SLC25A32: variants seen among roughly 807,000 people sequenced by gnomAD.
The protein encoded by SLC25A32 is solute carrier family 25 member 32.
A neutral mutation model predicts 39.0 loss-of-function variants in SLC25A32; 32 were observed. The observed-to-expected ratio is 0.82, with a 90% CI of 0.62 to 1.10. SLC25A32 has a LOEUF of 1.10. Among genes scored for constraint, SLC25A32 ranks in the 50% least tolerant of loss-of-function variants. The pLI is 0.00. For synonymous variants in SLC25A32, 166 were observed against 152.4 expected, an observed-to-expected ratio of 1.09 and a Z score of -0.66; for missense variants, 367 against 395.3, an observed-to-expected ratio of 0.93 and a Z score of 0.61.
intron 1 of SLC25A32, among the ~76,000 whole-genome samples, chr8:103,408,519 C>G (rs3134262): frequency 0.17 from 25,710 of 151,878 alleles, 2,343 homozygotes; most frequent in East Asian, 0.34. Flanking sequence ...CAATTTATAT[C>G]GAATGCTATC....
intron 1 of SLC25A32, among the ~76,000 whole-genome samples, chr8:103,409,538 G>A (rs532602565): frequency 6.6e-6 from 1 of 152,152 alleles, no homozygotes; most frequent in Admixed American, 6.5e-5. Flanking sequence ...TATTAGAAAG[G>A]GAACTGATAT....
rs1237806299 is a variant in SLC25A32 at position 103,408,239 on chromosome 8, G to A, written c.155-455C>T. On this transcript the variant is annotated intron_variant, in intron 1 of 6. Transcript: ENST00000297578. ...TGACCTCAGGTGATCCACCCACCTC[G>A]GCCTTCCAAAGTGCTGGGATTACAG... Among the ~76,000 whole-genome samples, 4 of 151,762 alleles carry A rather than the reference G, an allele frequency of 2.6e-5. No individual in the cohort carries two copies. The East Asian group carries it at 5.8e-4, about 22-fold the overall frequency.
At chr8:103,414,720 CGGA>C (rs1816553290) in intron 1 of SLC25A32, 61 bp downstream of exon 1, 7 of 1,601,316 alleles carry the variant, frequency 4.4e-6, no homozygotes, top group Non-Finnish European at 5.1e-6. Context: ...ACGGAAAAGA[CGGA>C]GGAGATCCAG....
Position 103,415,026 on chromosome 8 carries a change from TGTG to T in SLC25A32, c.-92_-90del. 6.3e-7 allele frequency: 1 copy of T among 1,593,272 alleles called. No homozygotes were observed. The highest frequency in any genetic ancestry group is 1.1e-5 in the South Asian group (1 of 89,026). ...CGCCACCGTGGCGACGGTCGCCCCT[TGTG>T]AGCGCAACCCCACCTCCGGGACCAA... On this transcript the variant is annotated 5_prime_UTR_variant, in exon 1 of 7. Transcript: ENST00000297578.
chr8:103,403,237 T>A lies in SLC25A32; in HGVS notation c.479A>T (p.His160Leu), dbSNP rs1358530550. 1 of 1,612,848 alleles carries A rather than the reference T, an allele frequency of 6.2e-7. No individual in the cohort carries two copies. Among genetic ancestry groups the A allele is most frequent in the Non-Finnish European group, 8.5e-7 (1 of 1,179,210 alleles). The change falls in exon 4 of 7, where the codon CAC becomes CTC. Residue 160 changes from histidine (H) to leucine (L), a missense_variant. His to Leu is a moderately conservative substitution (Grantham distance 99). Coordinates refer to ENST00000297578, the MANE Select transcript of SLC25A32 (RefSeq NM_030780.5). Reference protein sequence around the residue: ...LQYDAVVNSPHRQYKGMFDTL... With the variant: ...LQYDAVVNSPLRQYKGMFDTL... ...ATCAAACATTCCTTTATATTGTCGGTGTGGGGAGTTAACAACAGCATCATA... is the reference window on the plus strand; with the variant it reads ...ATCAAACATTCCTTTATATTGTCGGAGTGGGGAGTTAACAACAGCATCATA...
In SLC25A32 at chr8:103,407,946, C is replaced by CAT. The variant is rs1338390764; in HGVS notation, c.155-164_155-163dup. Among the ~76,000 whole-genome samples the CAT allele has an allele frequency of 2.6e-4, 38 of 144,346 alleles. 1 individual carries two copies. The East Asian group carries it at 4.7e-3, about 18-fold the overall frequency. 94.7% of individuals were successfully genotyped at this position (144,346 alleles called of 152,430 possible). ...TTTCCAGGCTTTTATATATATATTACATATATATATAAATATATATATATA... is the reference window on the plus strand; with the variant it reads ...TTTCCAGGCTTTTATATATATATTACATATATATATATAAATATATATATATA... On this transcript the variant is annotated intron_variant, in intron 1 of 6. Transcript: ENST00000297578.
chr8:103,410,043 ATTC>A (rs1006562164), intron 1 of SLC25A32, among the ~76,000 whole-genome samples: 2 of 152,124 alleles, frequency 1.3e-5, no homozygotes, highest in African/African-American at 4.8e-5. Context: ...TGTGTGTCTC[ATTC>A]TTCTGTATAG....
intron 1 of SLC25A32, 185 bp downstream of exon 1, chr8:103,414,599 G>T: frequency 1.3e-6 from 1 of 743,558 alleles, no homozygotes; most frequent in Non-Finnish European, 2.1e-6. Flanking sequence ...GTCTTGAGGA[G>T]CGGGGAAGAT....
At position 103,414,769 on chromosome 8, in the gene SLC25A32, T is replaced by C. The variant is rs781274066; in HGVS notation, c.154+15A>G. 8 of 1,613,236 alleles carry C rather than the reference T, an allele frequency of 5.0e-6. No homozygotes were observed. The highest frequency in any genetic ancestry group is 1.6e-4 in the Middle Eastern group (1 of 6,080). Reference sequence around the variant, plus strand: ...CAGTGAGAGGATGCAGCCCGGTGTCTGGGCGGGCTCTTACCGGCGAAGCGG... The same window carrying C: ...CAGTGAGAGGATGCAGCCCGGTGTCCGGGCGGGCTCTTACCGGCGAAGCGG... On this transcript the variant is annotated intron_variant, in intron 1 of 6. Transcript: ENST00000297578.
rs1210400776 is a variant in SLC25A32, at chr8:103,414,906, G to A, written c.32C>T (p.Ser11Leu). MTGQGQSASG[S>L]SAWSTVFRHV... ...GCGGAATACCGTGCTCCACGCCGAC[G>A]ACCCGGACGCCGACTGGCCCTGGCC... The change falls in exon 1 of 7, where the codon TCG becomes TTG. Residue 11 changes from serine (S) to leucine (L), a missense_variant. Coordinates refer to ENST00000297578, the MANE Select transcript of SLC25A32 (RefSeq NM_030780.5). The A allele has an allele frequency of 6.2e-7, 1 of 1,610,800 alleles. No individual in the cohort carries two copies. The highest frequency in any genetic ancestry group is 2.2e-5 in the East Asian group (1 of 44,680).
chr8:103,412,084 C>T (rs960456885), intron 1 of SLC25A32, among the ~76,000 whole-genome samples: 7 of 152,160 alleles, frequency 4.6e-5, no homozygotes, highest in African/African-American at 1.2e-4. Flanking sequence ...TAGAACCTAA[C>T]TCTAAAAATT....
chr8:103,404,677 G>T, intron 3 of SLC25A32, 99 bp downstream of exon 3: 2 of 692,306 alleles, frequency 2.9e-6, no homozygotes, highest in South Asian at 3.6e-5. Flanking sequence ...AGTTAGATGG[G>T]CATATTTAAA....
Position 103,401,928 on chromosome 8 carries a change from A to G in SLC25A32, c.666+13T>C, listed in dbSNP as rs776301527. ...AAAAGGAAATGATATCATTTTTACAAGAATAATCTTACCAACTGGGCTTCT... is the reference window on the plus strand; with the variant it reads ...AAAAGGAAATGATATCATTTTTACAGGAATAATCTTACCAACTGGGCTTCT... On this transcript the variant is annotated intron_variant, in intron 5 of 6. Coordinates refer to ENST00000297578, the MANE Select transcript of SLC25A32 (RefSeq NM_030780.5). 2 of 1,588,966 alleles carry G rather than the reference A, an allele frequency of 1.3e-6. No homozygotes were observed. The highest frequency in any genetic ancestry group is 1.7e-6 in the Non-Finnish European group (2 of 1,165,582).
At chr8:103,408,575 C>CT (rs955461304) in intron 1 of SLC25A32, among the ~76,000 whole-genome samples, 2 of 152,094 alleles carry the variant, frequency 1.3e-5, no homozygotes, top group African/African-American at 4.8e-5. Context: ...ATGGGGTAAA[C>CT]TTTTTTTCCT....
At chr8:103,405,737 T>A (rs1816316287) in intron 2 of SLC25A32, among the ~76,000 whole-genome samples, 1 of 152,060 alleles carries the variant, frequency 6.6e-6, no homozygotes, top group Non-Finnish European at 1.5e-5. Context: ...CATAGCTCAC[T>A]GTAACCTTGA....
At chr8:103,407,507 T>C in intron 2 of SLC25A32, 127 bp downstream of exon 2, 1 of 757,940 alleles carries the variant, frequency 1.3e-6, no homozygotes, top group Non-Finnish European at 2.0e-6. Flanking sequence ...TTGTTCTTCC[T>C]GATCCTTCCA....
chr8:103,400,678 G>A, intron 6 of SLC25A32, 132 bp from the exon 7 acceptor site: 3 of 895,774 alleles, frequency 3.3e-6, no homozygotes. Flanking sequence ...TGTTTTCAAT[G>A]TCCTAAAGTA....
At chr8:103,404,965 C>A in intron 2 of SLC25A32, 104 bp from the exon 3 acceptor site, 1 of 617,866 alleles carries the variant, frequency 1.6e-6, no homozygotes, top group Non-Finnish European at 2.7e-6. Context: ...CAAGTCAATG[C>A]ATAATGCAAC....
Position 103,403,311 on chromosome 8 carries a change from G to C in SLC25A32, c.405C>G (p.Leu135=). ...VSAAEAGAMT[L]CITNPLWVTK... ...TTACCCATAATGGGTTTGTAATGCA[G>C]AGGGTCATGGCTCCTAAAATGAGAT... The change falls in exon 4 of 7, where the codon CTC becomes CTG. Residue 135 remains leucine (L), a synonymous_variant. Coordinates refer to ENST00000297578, the MANE Select transcript of SLC25A32 (RefSeq NM_030780.5). 1 of 1,607,870 alleles carries C rather than the reference G, an allele frequency of 6.2e-7. No individual in the cohort carries two copies. Among genetic ancestry groups the C allele is most frequent in the Non-Finnish European group, 8.5e-7 (1 of 1,177,356 alleles).
Sources: allele counts gnomAD v4.1 joint callset (sites outside exome capture counted in the v4.1 genomes callset), GRCh38; gene constraint gnomAD v4.1.1; transcripts MANE v1.5; gene names NCBI Gene and HGNC (gene_info 2026-07-23, HGNC 2026-07-21).